Variants in TXN2 observed in about 807,000 individuals in gnomAD.
TXN2 encodes thioredoxin, mitochondrial.
TXN2 carries 12 observed loss-of-function variants against 14.6 expected under a neutral mutation model. The observed-to-expected ratio is 0.82, with a 90% CI of 0.53 to 1.33. The LOEUF (loss-of-function observed/expected upper bound fraction) is 1.33. Ranked by LOEUF, TXN2 falls within the 40% of genes most tolerant of loss-of-function variation. The pLI, the probability that TXN2 is intolerant of heterozygous loss-of-function variation, is 0.00. For missense variants in TXN2, 173 were observed against 207.7 expected (o/e 0.83, Z 1.03); for synonymous variants, 89 against 81.0 (o/e 1.10, Z -0.53).
At position 36,480,071 on chromosome 22, in the gene TXN2, C is replaced by T. The variant is rs369694739; in HGVS notation, c.263+504G>A. 3.2e-3 allele frequency among the ~76,000 whole-genome samples: 491 copies of T among 152,194 alleles called. 3 individuals are homozygous for T. Among genetic ancestry groups the T allele is most frequent in the African/African-American group, 0.011 (471 of 41,532 alleles). On this transcript the variant is annotated intron_variant, in intron 2 of 3. Transcript: ENST00000216185. Reference sequence around the variant, plus strand: ...GCTAATTTTGTATTTTTAATAGAGACAGGGTATCACCATGTTGGCCAGGCT... The same window carrying T: ...GCTAATTTTGTATTTTTAATAGAGATAGGGTATCACCATGTTGGCCAGGCT...
intron 3 of TXN2, among the ~76,000 whole-genome samples, chr22:36,469,781 C>A (rs1933235699): frequency 6.6e-6 from 1 of 152,114 alleles, no homozygotes; most frequent in Admixed American, 6.6e-5. Flanking sequence ...CATGGTGAAA[C>A]CCCGTCTCTA....
chr22:36,470,660 C>G (rs12160207), intron 3 of TXN2, among the ~76,000 whole-genome samples: 26,190 of 151,842 alleles, frequency 0.17, 3,050 homozygotes, highest in African/African-American at 0.33. Context: ...TAGGCACAAG[C>G]ACAGTGGCTC....
chr22:36,469,811 C>T (rs2145819860), intron 3 of TXN2, among the ~76,000 whole-genome samples: 1 of 152,166 alleles, frequency 6.6e-6, no homozygotes, highest in South Asian at 2.1e-4. Context: ...CAAAAATTAG[C>T]CGGGCGTGGT....
intron 2 of TXN2, 75 bp from the exon 3 acceptor site, chr22:36,476,931 C>T (rs995500810): frequency 6.3e-6 from 10 of 1,586,302 alleles, no homozygotes; most frequent in Non-Finnish European, 8.6e-6. Context: ...CCCAGACCTG[C>T]ATCTTTCCAA....
rs5756200 is a variant in TXN2, at chr22:36,469,550, T to C, written c.388-1633A>G. Among the ~76,000 whole-genome samples, 149 of 152,308 alleles carry C rather than the reference T, an allele frequency of 9.8e-4. 1 individual carries two copies. The East Asian group carries it at 0.026, about 26-fold the overall frequency. On this transcript the variant is annotated intron_variant, in intron 3 of 3. Coordinates refer to ENST00000216185, the MANE Select transcript of TXN2 (RefSeq NM_012473.4). ...TACTCAGTTCCCTCAGGGACCTGCA[T>C]AGGTTATGTGGAACGTGGATGAGGC...
At chr22:36,468,002 G>A in intron 3 of TXN2, 85 bp from the exon 4 acceptor site, 1 of 1,226,328 alleles carries the variant, frequency 8.2e-7, no homozygotes, top group Non-Finnish European at 1.2e-6. Context: ...GGGGAAGGCT[G>A]GTGGCTTATC....
In TXN2 at chr22:36,470,405, C is replaced by T. The variant is rs184045070; in HGVS notation, c.388-2488G>A. ...AAGCGCCTGAAGCCACCAGGGCCTT[C>T]CCAGGCATTCTTTGGTGCCCTCTAG... On this transcript the variant is annotated intron_variant, in intron 3 of 3. Coordinates refer to ENST00000216185, the MANE Select transcript of TXN2 (RefSeq NM_012473.4). 3.2e-3 allele frequency among the ~76,000 whole-genome samples: 491 copies of T among 152,354 alleles called. 4 individuals carry two copies. Among genetic ancestry groups the T allele is most frequent in the Non-Finnish European group, 4.5e-3 (304 of 68,036 alleles).
At chr22:36,471,803 T>G (rs966662836) in intron 3 of TXN2, among the ~76,000 whole-genome samples, 1 of 152,100 alleles carries the variant, frequency 6.6e-6, no homozygotes, top group Non-Finnish European at 1.5e-5. Context: ...ACCTTGTCTC[T>G]ACCAAAAATA....
At chr22:36,480,911 A>C in intron 1 of TXN2, 74 bp from the exon 2 acceptor site, 1 of 1,464,348 alleles carries the variant, frequency 6.8e-7, no homozygotes, top group Non-Finnish European at 9.1e-7. Flanking sequence ...TTTGGGGAGT[A>C]CTCAGGGCTC....
Position 36,480,960 on chromosome 22 carries a change from A to AT in TXN2, c.1-124dup. On this transcript the variant is annotated intron_variant, in intron 1 of 3. Transcript: ENST00000216185. The stretch of plus-strand genomic sequence containing the variant: ...GTTGGAAGCAAAATGCAAGGAAATC[A>AT]TATGTAAGATTTGTAGCGTGGAAGT... The AT allele has an allele frequency of 2.8e-6, 3 of 1,085,002 alleles. No individual in the cohort carries two copies. In the Admixed American group the frequency reaches 9.8e-5, roughly 35 times the overall value. The allele number at this position is 1,085,002 out of a possible 1,614,324, so 67.2% of individuals were successfully genotyped here. A position where few individuals can be genotyped will look rare whatever the true frequency, so the allele number is the denominator to read the frequency against.
Position 36,476,753 on chromosome 22 carries a change from CTG to C in TXN2, c.365_366del (p.Thr122ArgfsTer5). 6.2e-7 allele frequency: 1 copy of C among 1,614,208 alleles called. No individual in the cohort carries two copies. Among genetic ancestry groups the C allele is most frequent in the Non-Finnish European group, 8.5e-7 (1 of 1,180,046 alleles). ...CATACCTCATACTCAATGGCGAGGT[CTG>C]TGTGGTCATCAATATCCACCTTGGC... ...VMAKVDIDDH[T>X]DLAIEYEVSA... On this transcript the variant is annotated frameshift_variant, in exon 3 of 4. Transcript: ENST00000216185. LOFTEE classifies it high-confidence loss of function.
intron 3 of TXN2, among the ~76,000 whole-genome samples, 190 bp from the exon 4 acceptor site, chr22:36,468,107 G>A (rs774199375): frequency 6.6e-6 from 1 of 152,242 alleles, no homozygotes. Context: ...GCCACCCGCT[G>A]AAGAAACGTC....
rs142583599 is a variant in TXN2, at chr22:36,480,752, G to T, written c.86C>A (p.Ser29Tyr). 6.2e-6 allele frequency: 10 copies of T among 1,613,984 alleles called. No individual in the cohort carries two copies. In the Admixed American group the frequency reaches 1.7e-4, roughly 27 times the overall value. ...GCATTGTGGGGTCTGCAGGGCTCTGGAAGTGAGGGGTGGCCACTGACCCTG... is the reference window on the plus strand; with the variant it reads ...GCATTGTGGGGTCTGCAGGGCTCTGTAAGTGAGGGGTGGCCACTGACCCTG... ...PSQGQWPPLT[S>Y]RALQTPQCSP... The change falls in exon 2 of 4, where the codon TCC (serine) becomes TAC (tyrosine). Residue 29 changes from serine to tyrosine, a missense_variant. Transcript: ENST00000216185.
At chr22:36,481,513 G>A in intron 1 of TXN2, 51 bp downstream of exon 1, 1 of 946,468 alleles carries the variant, frequency 1.1e-6, no homozygotes, top group South Asian at 4.9e-5. Context: ...ACGCGCTCGC[G>A]GCATGCCTCA....
intron 3 of TXN2, among the ~76,000 whole-genome samples, chr22:36,475,921 G>C (rs1568978053): frequency 6.6e-6 from 1 of 152,098 alleles, no homozygotes; most frequent in Non-Finnish European, 1.5e-5. Flanking sequence ...TCTCTCTAAC[G>C]TGAAGCATTC....
intron 3 of TXN2, among the ~76,000 whole-genome samples, chr22:36,471,790 G>A (rs1404601812): frequency 6.6e-6 from 1 of 152,104 alleles, no homozygotes; most frequent in Non-Finnish European, 1.5e-5. Flanking sequence ...CCAATGTGGT[G>A]AAACCTTGTC....
intron 3 of TXN2, among the ~76,000 whole-genome samples, chr22:36,469,410 C>A (rs1415146924): frequency 2.9e-5 from 2 of 68,496 alleles, no homozygotes; most frequent in South Asian, 6.7e-4. Flanking sequence ...GGTCCAGAAA[C>A]TCAGGGACTT....
intron 3 of TXN2, among the ~76,000 whole-genome samples, chr22:36,472,359 G>C (rs1933297541): frequency 6.6e-6 from 1 of 152,130 alleles, no homozygotes; most frequent in South Asian, 2.1e-4. Context: ...CTAGAATGTG[G>C]ACACCGGCTA....
intron 1 of TXN2, 90 bp from the exon 2 acceptor site, chr22:36,480,927 G>A: frequency 6.4e-6 from 9 of 1,396,844 alleles, no homozygotes; most frequent in Non-Finnish European, 7.6e-6. Context: ...GGCTCAGGAA[G>A]AGGCAGAGTT....
Sources: gnomAD v4.1 joint callset for allele counts (sites outside exome capture counted in the v4.1 genomes callset) on GRCh38, gnomAD v4.1.1 for gene constraint, MANE v1.5 for transcripts, NCBI Gene and HGNC (gene_info 2026-07-23, HGNC 2026-07-21) for gene names.